Variants in MAD2L1BP observed in about 807,000 individuals in gnomAD.
The protein encoded by MAD2L1BP is MAD2L1-binding protein.
A neutral mutation model predicts 28.4 loss-of-function variants in MAD2L1BP; 22 were observed. That is an observed-to-expected ratio of 0.77 (90% confidence interval 0.55 to 1.10). The LOEUF (loss-of-function observed/expected upper bound fraction) is 1.10. Among genes scored for constraint, MAD2L1BP ranks in the 50% least tolerant of loss-of-function variants. The pLI, the probability that MAD2L1BP is intolerant of heterozygous loss-of-function variation, is 0.00. For missense variants in MAD2L1BP, 325 were observed against 350.5 expected, an observed-to-expected ratio of 0.93 and a Z score of 0.58; for synonymous variants, 146 against 133.7, an observed-to-expected ratio of 1.09 and a Z score of -0.63.
At chr6:43,638,073 T>C (rs918804140) in intron 2 of MAD2L1BP, among the ~76,000 whole-genome samples, 3 of 152,086 alleles carry the variant, frequency 2.0e-5, no homozygotes. Context: ...AAATTTTGTA[T>C]TTTTAGTAGA....
chr6:43,635,782 G>C (rs1289553486), upstream of MAD2L1BP: 7 of 1,325,570 alleles, frequency 5.3e-6, no homozygotes, highest in East Asian at 9.2e-5. Flanking sequence ...CCTTTTTTCC[G>C]ACCCAACTGA....
upstream of MAD2L1BP, among the ~76,000 whole-genome samples, chr6:43,632,844 A>C (rs926619269): frequency 2.0e-5 from 3 of 151,666 alleles, no homozygotes; most frequent in Non-Finnish European, 4.4e-5. Context: ...AACATGGTGA[A>C]ACCCCATCTC....
At chr6:43,635,678 G>A (rs145256276), upstream of MAD2L1BP, 207 of 538,388 alleles carry the variant, frequency 3.8e-4, 2 homozygotes, top group Non-Finnish European at 5.7e-4. Flanking sequence ...TGCTGGGCAA[G>A]GGTTAGGCGT....
upstream of MAD2L1BP, chr6:43,633,292 C>A: frequency 2.6e-6 from 1 of 382,158 alleles, no homozygotes; most frequent in Non-Finnish European, 5.0e-6. Context: ...CCTGCCTCAG[C>A]CTCCCAAGTA....
At chr6:43,632,749 G>C (rs1376650736), upstream of MAD2L1BP, among the ~76,000 whole-genome samples, 1 of 150,112 alleles carries the variant, frequency 6.7e-6, no homozygotes, top group Non-Finnish European at 1.5e-5. Flanking sequence ...AGCCGGGTGC[G>C]GTGGCTCACT....
chr6:43,638,141 G>T (rs988527167), intron 2 of MAD2L1BP, among the ~76,000 whole-genome samples: 4 of 151,934 alleles, frequency 2.6e-5, no homozygotes, highest in Non-Finnish European at 5.9e-5. Context: ...CAAGTGATCC[G>T]CCCGCCTTGG....
chr6:43,633,773 G>A (rs893462154), upstream of MAD2L1BP, among the ~76,000 whole-genome samples: 18 of 150,640 alleles, frequency 1.2e-4, no homozygotes, highest in East Asian at 4.0e-4. Flanking sequence ...GCAGTGGTGC[G>A]ATCACAGCTC....
intron 1 of MAD2L1BP, among the ~76,000 whole-genome samples, chr6:43,630,592 A>T (rs1769847967): frequency 6.6e-6 from 1 of 151,992 alleles, no homozygotes; most frequent in Non-Finnish European, 1.5e-5. Context: ...AAAATACAAA[A>T]ATTAGCTGGG....
At chr6:43,635,237 C>T (rs1770132618), upstream of MAD2L1BP, among the ~76,000 whole-genome samples, 1 of 152,280 alleles carries the variant, frequency 6.6e-6, no homozygotes, top group Non-Finnish European at 1.5e-5. Context: ...TTCACTACAG[C>T]CTTAACTCTT....
upstream of MAD2L1BP, chr6:43,635,824 G>A: frequency 7.0e-7 from 1 of 1,434,140 alleles, no homozygotes; most frequent in Non-Finnish European, 9.1e-7. Flanking sequence ...TTCCCATGAT[G>A]CCCCGCGAGA....
chr6:43,640,563 T>C lies in MAD2L1BP; in HGVS notation c.*30T>C. 1 of 1,530,018 alleles carries C rather than the reference T, an allele frequency of 6.5e-7. No individual in the cohort carries two copies. Among genetic ancestry groups the C allele is most frequent in the Non-Finnish European group, 8.8e-7 (1 of 1,137,904 alleles). 94.8% of individuals were successfully genotyped at this position (1,530,018 alleles called of 1,614,324 possible). A position where few individuals can be genotyped will look rare whatever the true frequency, so the allele number is the denominator to read the frequency against. On this transcript the variant is annotated 3_prime_UTR_variant, in exon 3 of 3. Coordinates refer to ENST00000372171, the MANE Select transcript of MAD2L1BP (RefSeq NM_014628.3). ...GTGCTTCTTAATCCTAAAAACACAATGGCTGAATTATCTTTCTCCATGTGG... is the reference window on the plus strand; with the variant it reads ...GTGCTTCTTAATCCTAAAAACACAACGGCTGAATTATCTTTCTCCATGTGG...
upstream of MAD2L1BP, chr6:43,635,830 C>T: frequency 6.9e-7 from 1 of 1,441,042 alleles, no homozygotes; most frequent in Non-Finnish European, 9.1e-7. Flanking sequence ...TGATGCCCCG[C>T]GAGACCTTTA....
At chr6:43,634,415 A>C (rs1770089921), upstream of MAD2L1BP, among the ~76,000 whole-genome samples, 2 of 151,948 alleles carry the variant, frequency 1.3e-5, no homozygotes, top group Middle Eastern at 3.4e-3. Flanking sequence ...AATTTTGCAG[A>C]AACAGGGTCC....
upstream of MAD2L1BP, chr6:43,633,277 A>C: frequency 2.5e-6 from 1 of 393,684 alleles, no homozygotes; most frequent in South Asian, 1.8e-5. Flanking sequence ...GGTTCAAGGG[A>C]TTCTCCTGCC....
intron 2 of MAD2L1BP, among the ~76,000 whole-genome samples, chr6:43,637,273 C>T (rs1363684213): frequency 1.3e-5 from 2 of 151,732 alleles, no homozygotes; most frequent in Admixed American, 6.6e-5. Context: ...CCATGTTGAC[C>T]AGGCTGGTCT....
upstream of MAD2L1BP, among the ~76,000 whole-genome samples, chr6:43,632,267 T>G (rs1374366716): frequency 1.3e-5 from 2 of 149,796 alleles, no homozygotes; most frequent in Non-Finnish European, 3.0e-5. Flanking sequence ...ACTTTTTTTT[T>G]TTTTTTTTTT....
chr6:43,636,242 G>A (rs1770211989), intron 1 of MAD2L1BP, 139 bp from the exon 2 acceptor site: 1 of 787,154 alleles, frequency 1.3e-6, no homozygotes, highest in Admixed American at 2.6e-5. Flanking sequence ...GGCCCATACT[G>A]TAGGCTGCGG....
chr6:43,631,755 G>A (rs1310413133), upstream of MAD2L1BP, among the ~76,000 whole-genome samples: 3 of 152,094 alleles, frequency 2.0e-5, no homozygotes, highest in African/African-American at 7.2e-5. Flanking sequence ...CAAAGTGCTG[G>A]GATTACAGGC....
At chr6:43,632,385 G>A (rs1769974224), upstream of MAD2L1BP, among the ~76,000 whole-genome samples, 2 of 151,354 alleles carry the variant, frequency 1.3e-5, no homozygotes, top group South Asian at 2.1e-4. Flanking sequence ...AGCCCCCCAG[G>A]TAGCTGGGAC....
Sources: allele counts gnomAD v4.1 joint callset (sites outside exome capture counted in the v4.1 genomes callset), GRCh38; gene constraint gnomAD v4.1.1; transcripts MANE v1.5; gene names NCBI Gene and HGNC (gene_info 2026-07-23, HGNC 2026-07-21).